Variants in ARHGAP22 observed in about 807,000 individuals in gnomAD.
ARHGAP22 encodes rho GTPase-activating protein 22.
Under a neutral mutation model 59.1 loss-of-function variants are expected in ARHGAP22, and 48 were observed. The ratio of observed to expected loss-of-function variants is 0.81; its 90% confidence interval spans 0.64 to 1.03. The LOEUF is 1.03. Among genes scored for constraint, ARHGAP22 ranks in the 50% least tolerant of loss-of-function variants. The pLI is 0.00. For synonymous variants in ARHGAP22, 445 were observed against 416.4 expected (o/e 1.07, Z -0.84); for missense variants, 1,015 against 958.7 (o/e 1.06, Z -0.78).
At chr10:48,626,870 C>T (rs1041794422) in intron 1 of ARHGAP22, among the ~76,000 whole-genome samples, 3 of 152,180 alleles carry the variant, frequency 2.0e-5, no homozygotes, top group Non-Finnish European at 4.4e-5. Context: ...AGAGTGGGAA[C>T]TGGCTGGGCA....
At chr10:48,524,067 A>C in intron 3 of ARHGAP22, 1 of 1,477,714 alleles carries the variant, frequency 6.8e-7, no homozygotes, top group Middle Eastern at 2.3e-4. Flanking sequence ...GGGCGCTCGC[A>C]GGTGTCCCCT....
rs908448485 is a variant in ARHGAP22, at chr10:48,466,276, C to A, written c.452-6385G>T. On this transcript the variant is annotated intron_variant, in intron 4 of 9. Coordinates refer to ENST00000249601, the MANE Select transcript of ARHGAP22 (RefSeq NM_021226.4). ...TCCTTTGCAAGTCCCTGCGCCCCCC[C>A]CCAGACTCTAAGTCCTCGTCTCTAC... Among the ~76,000 whole-genome samples, 1,232 of 152,172 alleles carry A rather than the reference C, an allele frequency of 8.1e-3. 15 individuals carry two copies. Among genetic ancestry groups the A allele is most frequent in the African/African-American group, 0.028 (1,182 of 41,510 alleles).
chr10:48,451,045 C>A lies in ARHGAP22; in HGVS notation c.1084G>T (p.Gly362Trp). The change falls in exon 9 of 10, where the codon GGG (glycine) becomes TGG (tryptophan). Residue 362 changes from glycine (G) to tryptophan (W), a missense_variant. Coordinates refer to ENST00000249601, the MANE Select transcript of ARHGAP22 (RefSeq NM_021226.4). ...PVPEGPTSPR[G>W]GLQCAVGWGS... Reference sequence around the variant, plus strand: ...CACCCCACTGCGCATTGCAGGCCCCCGCGCGGGGAGGTGGGCCCTTCCGGG... The same window carrying A: ...CACCCCACTGCGCATTGCAGGCCCCAGCGCGGGGAGGTGGGCCCTTCCGGG... 1 of 1,552,584 alleles carries A rather than the reference C, an allele frequency of 6.4e-7. No homozygotes were observed. The highest frequency in any genetic ancestry group is 8.7e-7 in the Non-Finnish European group (1 of 1,148,142).
intron 1 of ARHGAP22, among the ~76,000 whole-genome samples, chr10:48,586,889 C>T (rs2059457476): frequency 6.6e-6 from 1 of 152,198 alleles, no homozygotes; most frequent in African/African-American, 2.4e-5. Flanking sequence ...GTCCTGGAGA[C>T]CCAGAGCTAC....
chr10:48,466,409 G>C (rs962584023), intron 4 of ARHGAP22, among the ~76,000 whole-genome samples: 7 of 151,900 alleles, frequency 4.6e-5, no homozygotes, highest in African/African-American at 1.7e-4. Flanking sequence ...CGCAGCACCA[G>C]ATCCGCGGTG....
chr10:48,455,661 C>T (rs984361279), intron 5 of ARHGAP22, among the ~76,000 whole-genome samples: 2 of 152,230 alleles, frequency 1.3e-5, no homozygotes, highest in African/African-American at 4.8e-5. Context: ...TGGGAGCTGC[C>T]TGCTCTGCGG....
intron 3 of ARHGAP22, chr10:48,523,944 G>A: frequency 2.2e-6 from 2 of 929,708 alleles, no homozygotes; most frequent in Non-Finnish European, 2.9e-6. Context: ...TTCCAAAGCT[G>A]AGGCAGGTGC....
chr10:48,519,920 T>C (rs1349772142), intron 3 of ARHGAP22, among the ~76,000 whole-genome samples: 16 of 151,946 alleles, frequency 1.1e-4, no homozygotes, highest in Admixed American at 5.9e-4. Flanking sequence ...GAGCTGTGGG[T>C]GGATGCTGGC....
At chr10:48,518,054 T>G (rs2053461379) in intron 3 of ARHGAP22, among the ~76,000 whole-genome samples, 1 of 152,122 alleles carries the variant, frequency 6.6e-6, no homozygotes, top group South Asian at 2.1e-4. Flanking sequence ...GCTGGTTCCC[T>G]TTTTGAAAAA....
chr10:48,520,826 G>A (rs558628200), intron 3 of ARHGAP22, among the ~76,000 whole-genome samples: 25 of 152,166 alleles, frequency 1.6e-4, no homozygotes, highest in Middle Eastern at 6.8e-3. Context: ...GAGATGAAGC[G>A]GTGGCAGAGA....
At chr10:48,487,110 A>G (rs1201717809) in intron 3 of ARHGAP22, among the ~76,000 whole-genome samples, 1 of 152,162 alleles carries the variant, frequency 6.6e-6, no homozygotes, top group African/African-American at 2.4e-5. Context: ...CATTTGGAAT[A>G]TTTTGGCGAT....
intron 4 of ARHGAP22, among the ~76,000 whole-genome samples, chr10:48,476,296 C>A (rs776077874): frequency 7.9e-5 from 12 of 152,210 alleles, no homozygotes; most frequent in Admixed American, 7.2e-4. Context: ...CAGTGAGGCT[C>A]CCCTGACCAC....
intron 1 of ARHGAP22, among the ~76,000 whole-genome samples, chr10:48,590,447 G>A (rs2059683732): frequency 1.3e-5 from 2 of 152,144 alleles, no homozygotes; most frequent in Non-Finnish European, 2.9e-5. Flanking sequence ...GAGGTGCCCT[G>A]TAGCAAGAAT....
chr10:48,565,307 G>A (rs1049296643), intron 2 of ARHGAP22, among the ~76,000 whole-genome samples: 1 of 152,172 alleles, frequency 6.6e-6, no homozygotes, highest in African/African-American at 2.4e-5. Context: ...AATGGAGCTG[G>A]GCTGTAGCAG....
chr10:48,605,911 T>A (rs1262346939), upstream of ARHGAP22, among the ~76,000 whole-genome samples: 1 of 152,182 alleles, frequency 6.6e-6, no homozygotes, highest in Non-Finnish European at 1.5e-5. Flanking sequence ...CCCAGGGCTG[T>A]GTCTACAGCT....
At chr10:48,654,846 C>CCT (rs2062711090), upstream of ARHGAP22, among the ~76,000 whole-genome samples, 3 of 140,298 alleles carry the variant, frequency 2.1e-5, no homozygotes, top group African/African-American at 8.0e-5. Context: ...TCCTTCCTCT[C>CCT]TCTTTTCTTT....
intron 1 of ARHGAP22, among the ~76,000 whole-genome samples, chr10:48,619,567 G>A (rs974065469): frequency 1.3e-5 from 2 of 152,118 alleles, no homozygotes; most frequent in Admixed American, 6.5e-5. Context: ...TTTTGACAAA[G>A]GCACAAGAGC....
chr10:48,461,383 T>G (rs2047120590), intron 4 of ARHGAP22, among the ~76,000 whole-genome samples: 1 of 152,212 alleles, frequency 6.6e-6, no homozygotes, highest in Non-Finnish European at 1.5e-5. Flanking sequence ...CTTACCCAGT[T>G]ATGTTCCTCT....
At chr10:48,582,892 G>T (rs2059202143) in intron 2 of ARHGAP22, 61 bp downstream of exon 2, 5 of 1,582,058 alleles carry the variant, frequency 3.2e-6, no homozygotes, top group Middle Eastern at 1.7e-4. Flanking sequence ...CCTGGGCATG[G>T]TCTTCCCTCT....
Sources: allele counts gnomAD v4.1 joint callset (sites outside exome capture counted in the v4.1 genomes callset), GRCh38; gene constraint gnomAD v4.1.1; transcripts MANE v1.5; gene names NCBI Gene and HGNC (gene_info 2026-07-23, HGNC 2026-07-21).